The following HECTD2 variants were observed in gnomAD, a reference collection of about 807,000 sequenced individuals.
The protein encoded by HECTD2 is probable E3 ubiquitin-protein ligase HECTD2.
Under a neutral mutation model 103.2 loss-of-function variants are expected in HECTD2, and 35 were observed. That is an observed-to-expected ratio of 0.34 (90% CI 0.26 to 0.45). The LOEUF is 0.45. Ranked by LOEUF, HECTD2 falls within the 20% of genes least tolerant of loss-of-function variation. HECTD2 has a pLI of 1.00. For missense variants in HECTD2, 596 were observed against 937.4 expected (o/e 0.64, Z 4.76); for synonymous variants, 281 against 329.9 (o/e 0.85, Z 1.61).
intron 20 of HECTD2, among the ~76,000 whole-genome samples, chr10:91,507,094 C>T (rs1226980697): frequency 1.3e-5 from 2 of 152,014 alleles, no homozygotes; most frequent in Non-Finnish European, 2.9e-5. Flanking sequence ...CTAAAAACTC[C>T]CAATAAATTA....
chr10:91,419,279 T>C (rs1183653586), intron 1 of HECTD2, among the ~76,000 whole-genome samples: 1 of 152,118 alleles, frequency 6.6e-6, no homozygotes, highest in African/African-American at 2.4e-5. Context: ...GGTAGAAAAA[T>C]ATGACGAAGA....
intron 1 of HECTD2, among the ~76,000 whole-genome samples, chr10:91,423,276 G>A (rs1843426174): frequency 6.6e-6 from 1 of 152,074 alleles, no homozygotes; most frequent in African/African-American, 2.4e-5. Flanking sequence ...TCAGCTCTGT[G>A]AACATGGGCA....
chr10:91,482,966 G>T lies in HECTD2; in HGVS notation c.712-1G>T. On this transcript the variant is annotated splice_acceptor_variant, in intron 7 of 20. Transcript: ENST00000298068. LOFTEE classifies it high-confidence loss of function. Reference sequence around the variant, plus strand: ...ACAATTATCTTTAATATCTTTTTCAGAATCCTCAGTTTAATAACACATCTA... The same window carrying T: ...ACAATTATCTTTAATATCTTTTTCATAATCCTCAGTTTAATAACACATCTA... The T allele has an allele frequency of 7.2e-7, 1 of 1,381,006 alleles. No individual in the cohort carries two copies. Among genetic ancestry groups the T allele is most frequent in the South Asian group, 1.3e-5 (1 of 78,792 alleles). The allele number at this position is 1,381,006 out of a possible 1,614,324, so 85.5% of individuals were successfully genotyped here.
chr10:91,440,446 A>G (rs577987175), intron 2 of HECTD2, among the ~76,000 whole-genome samples: 8 of 152,206 alleles, frequency 5.3e-5, no homozygotes, highest in African/African-American at 1.9e-4. Context: ...TGTGGTGGAT[A>G]AGCTTTTTGA....
At chr10:91,438,832 T>A (rs1286452445) in intron 2 of HECTD2, among the ~76,000 whole-genome samples, 1 of 152,248 alleles carries the variant, frequency 6.6e-6, no homozygotes, top group Admixed American at 6.5e-5. Context: ...TGACGAGTGA[T>A]GATGAGCTTT....
intron 7 of HECTD2, 84 bp downstream of exon 7, chr10:91,481,223 A>G: frequency 1.6e-6 from 1 of 628,648 alleles, no homozygotes; most frequent in Non-Finnish European, 2.6e-6. Context: ...TAAATATTAA[A>G]TATCATTTTG....
At chr10:91,444,360 C>T (rs939317875) in intron 2 of HECTD2, among the ~76,000 whole-genome samples, 1 of 152,208 alleles carries the variant, frequency 6.6e-6, no homozygotes, top group Non-Finnish European at 1.5e-5. Context: ...GAGATTCTTA[C>T]ATAAGAGAAA....
Position 91,501,168 on chromosome 10 carries a change from T to A in HECTD2, c.2067-23T>A. The A allele has an allele frequency of 1.9e-6, 3 of 1,598,824 alleles. No individual in the cohort carries two copies. The Admixed American group carries it at 5.2e-5, about 28-fold the overall frequency. Reference sequence around the variant, plus strand: ...GGATTTTTGTCAAGACATTTGATGTTAATTTCCTTTGGTATTCTCTAGATA... The same window carrying A: ...GGATTTTTGTCAAGACATTTGATGTAAATTTCCTTTGGTATTCTCTAGATA... On this transcript the variant is annotated intron_variant, in intron 19 of 20. Transcript: ENST00000298068.
At chr10:91,435,004 G>A (rs1844054695) in intron 2 of HECTD2, among the ~76,000 whole-genome samples, 1 of 151,818 alleles carries the variant, frequency 6.6e-6, no homozygotes, top group Non-Finnish European at 1.5e-5. Flanking sequence ...AGGTATCATG[G>A]GGCAGGAACA....
chr10:91,457,360 T>G (rs1361393971), intron 2 of HECTD2, among the ~76,000 whole-genome samples: 1 of 151,490 alleles, frequency 6.6e-6, no homozygotes, highest in Non-Finnish European at 1.5e-5. Context: ...TTAAAAAAAA[T>G]AAAAGAAAAA....
In HECTD2 at chr10:91,426,112, A is replaced by G. The variant is rs550981329; in HGVS notation, c.268+702A>G. 1.4e-4 allele frequency among the ~76,000 whole-genome samples: 22 copies of G among 152,180 alleles called. 1 individual carries two copies. Among genetic ancestry groups the G allele is most frequent in the South Asian group, 1.2e-3 (6 of 4,822 alleles). On this transcript the variant is annotated intron_variant, in intron 2 of 20. Transcript: ENST00000298068. ...TCATTATAGGTAGAATATGAATCCAACGTTTTTAAGTGCAGGGAATCCTTT... is the reference window on the plus strand; with the variant it reads ...TCATTATAGGTAGAATATGAATCCAGCGTTTTTAAGTGCAGGGAATCCTTT...
chr10:91,430,068 G>A (rs1247852831), intron 2 of HECTD2, among the ~76,000 whole-genome samples: 1 of 150,240 alleles, frequency 6.7e-6, no homozygotes, highest in African/African-American at 2.5e-5. Context: ...CAGAGATTCT[G>A]GTATGTTGTA....
chr10:91,460,316 G>T, intron 2 of HECTD2, 111 bp from the exon 3 acceptor site: 1 of 979,374 alleles, frequency 1.0e-6, no homozygotes, highest in Non-Finnish European at 1.5e-6. Context: ...CAAAGTGAAT[G>T]TAATACAAAA....
intron 2 of HECTD2, among the ~76,000 whole-genome samples, chr10:91,429,028 T>C (rs1256057317): frequency 1.3e-5 from 2 of 152,114 alleles, no homozygotes; most frequent in East Asian, 3.8e-4. Context: ...CATAGATAGC[T>C]CTTATTATTT....
intron 18 of HECTD2, among the ~76,000 whole-genome samples, chr10:91,499,585 GC>G (rs1846813332): frequency 6.6e-6 from 1 of 152,120 alleles, no homozygotes; most frequent in South Asian, 2.1e-4. Flanking sequence ...TTTACCCTTA[GC>G]AAGTAGTTTA....
At chr10:91,464,337 T>C (rs538142852) in intron 5 of HECTD2, among the ~76,000 whole-genome samples, 11 of 152,266 alleles carry the variant, frequency 7.2e-5, no homozygotes, top group African/African-American at 2.6e-4. Flanking sequence ...CTTAAAAAAT[T>C]GCTGGTTGCT....
chr10:91,500,908 T>G (rs541001099), intron 19 of HECTD2, among the ~76,000 whole-genome samples: 2 of 152,126 alleles, frequency 1.3e-5, no homozygotes, highest in Non-Finnish European at 2.9e-5. Flanking sequence ...AAATAACAGT[T>G]TAATAGCACT....
At chr10:91,508,632 T>TG (rs1258104458) in intron 20 of HECTD2, among the ~76,000 whole-genome samples, 4 of 148,574 alleles carry the variant, frequency 2.7e-5, no homozygotes, top group Non-Finnish European at 4.5e-5. Context: ...CAACAGGTGC[T>TG]GGAGAGGATG....
chr10:91,456,620 G>C (rs1036770655), intron 2 of HECTD2, among the ~76,000 whole-genome samples: 3 of 152,072 alleles, frequency 2.0e-5, no homozygotes, highest in Non-Finnish European at 2.9e-5. Context: ...TATGTTGAAT[G>C]GGAGTGGTGA....
Sources: allele counts gnomAD v4.1 joint callset (sites outside exome capture counted in the v4.1 genomes callset), GRCh38; gene constraint gnomAD v4.1.1; transcripts MANE v1.5; gene names NCBI Gene and HGNC (gene_info 2026-07-23, HGNC 2026-07-21).